QKI: variants seen among roughly 807,000 people sequenced by gnomAD.
The protein encoded by QKI is KH domain-containing RNA-binding protein QKI.
Under a neutral mutation model 39.0 loss-of-function variants are expected in QKI, and 10 were observed. That is an observed-to-expected ratio of 0.26 (90% confidence interval 0.16 to 0.43). The LOEUF (loss-of-function observed/expected upper bound fraction) is 0.43, where lower values mean the gene tolerates loss of function less well. QKI is among the 20% of genes least tolerant of loss of function. QKI has a pLI of 1.00. For synonymous variants in QKI, 204 were observed against 155.4 expected, an observed-to-expected ratio of 1.31 and a Z score of -2.33; for missense variants, 218 against 428.0, an observed-to-expected ratio of 0.51 and a Z score of 4.33.
At chr6:163,523,099 T>C (rs993433833) in intron 3 of QKI, among the ~76,000 whole-genome samples, 65 of 152,236 alleles carry the variant, frequency 4.3e-4, no homozygotes, top group African/African-American at 1.5e-3. Context: ...TAAGGCAGAC[T>C]GTATGTGGAT....
At chr6:163,540,932 C>T (rs1053748880) in intron 4 of QKI, among the ~76,000 whole-genome samples, 3 of 151,650 alleles carry the variant, frequency 2.0e-5, no homozygotes, top group Non-Finnish European at 4.4e-5. Flanking sequence ...TTTTATCAAC[C>T]GTTTTCTAAG....
In QKI at chr6:163,575,204, A is replaced by G. The variant is rs1454132305; in HGVS notation, c.*4494A>G. The G allele has an allele frequency of 1.3e-5, 2 of 152,184 alleles. No individual in the cohort carries two copies. The highest frequency in any genetic ancestry group is 4.8e-5 in the African/African-American group (2 of 41,438). 9.4% of individuals were successfully genotyped at this position (152,184 alleles called of 1,614,324 possible). On this transcript the variant is annotated 3_prime_UTR_variant, in exon 8 of 8. Transcript: ENST00000361752. ...CTGTCTGTCAAGCTGCTAATATACA[A>G]GTTGTCATGGTACCATGTAACTTAA...
chr6:163,431,464 T>A lies in QKI; in HGVS notation c.142+16129T>A, dbSNP rs148451020. 1.3e-4 allele frequency among the ~76,000 whole-genome samples: 20 copies of A among 152,282 alleles called. 1 individual carries two copies. Among genetic ancestry groups the A allele is most frequent in the African/African-American group, 4.3e-4 (18 of 41,568 alleles). On this transcript the variant is annotated intron_variant, in intron 1 of 7. Transcript: ENST00000361752. Reference sequence around the variant, plus strand: ...TAAAATAGGTATATACAGAGAAATATGCTCATGTTGTAACTCATGCCTGGT... The same window carrying A: ...TAAAATAGGTATATACAGAGAAATAAGCTCATGTTGTAACTCATGCCTGGT...
intron 1 of QKI, among the ~76,000 whole-genome samples, chr6:163,421,326 G>T (rs9458823): frequency 1.1e-4 from 16 of 152,130 alleles, no homozygotes; most frequent in African/African-American, 3.6e-4. Context: ...ATAGTTTCTT[G>T]TCAGTCCTTA....
intron 3 of QKI, among the ~76,000 whole-genome samples, chr6:163,503,725 G>A (rs1778924481): frequency 6.6e-6 from 1 of 151,738 alleles, no homozygotes; most frequent in African/African-American, 2.4e-5. Context: ...TCTTTAATCT[G>A]TTTTGAGGTT....
intron 1 of QKI, among the ~76,000 whole-genome samples, chr6:163,424,276 G>A (rs1045270514): frequency 6.6e-5 from 10 of 152,134 alleles, no homozygotes; most frequent in South Asian, 2.1e-4. Flanking sequence ...TGATTCCACC[G>A]TGGTTGCAGT....
intron 1 of QKI, among the ~76,000 whole-genome samples, chr6:163,434,075 T>C (rs1466256430): frequency 1.3e-5 from 2 of 150,040 alleles, no homozygotes; most frequent in African/African-American, 4.9e-5. Flanking sequence ...TTCAACAAAC[T>C]TTTTTTTTTA....
chr6:163,480,132 G>GT (rs1188526336), intron 3 of QKI, among the ~76,000 whole-genome samples: 1 of 152,168 alleles, frequency 6.6e-6, no homozygotes, highest in African/African-American at 2.4e-5. Context: ...CAGCAATACT[G>GT]TGAGGCAGGA....
At chr6:163,547,916 C>T (rs978317897) in intron 4 of QKI, among the ~76,000 whole-genome samples, 1 of 152,134 alleles carries the variant, frequency 6.6e-6, no homozygotes, top group Non-Finnish European at 1.5e-5. Flanking sequence ...CTTTCTATCA[C>T]CCCATGGTAA....
At chr6:163,430,549 C>A (rs11965425) in intron 1 of QKI, among the ~76,000 whole-genome samples, 4,239 of 152,062 alleles carry the variant, frequency 0.028, 196 homozygotes, top group African/African-American at 0.096. Flanking sequence ...ATGAATTGAT[C>A]AGGAGCATGG....
chr6:163,447,878 T>A (rs1378649579), intron 1 of QKI, among the ~76,000 whole-genome samples: 1 of 152,206 alleles, frequency 6.6e-6, no homozygotes. Context: ...AGGTGATTAT[T>A]GTAAGAAAAA....
chr6:163,416,915 CAA>C (rs4055816), intron 1 of QKI, among the ~76,000 whole-genome samples: 77,065 of 146,946 alleles, frequency 0.52, 19,961 homozygotes, highest in East Asian at 0.7. Context: ...TCTGGAATGT[CAA>C]AAAAAAAAAA....
Position 163,415,292 on chromosome 6 carries a change from C to T in QKI, c.99C>T (p.Asn33=), listed in dbSNP as rs754437531. The change falls in exon 1 of 8, where the codon AAC becomes AAT. Residue 33 remains asparagine, a synonymous_variant. Coordinates refer to ENST00000361752, the MANE Select transcript of QKI (RefSeq NM_006775.3). ...AGAAGCTCATGAGCAGCCTGCCCAA[C>T]TTCTGCGGGATCTTCAACCACCTCG... ...NDKKLMSSLP[N]FCGIFNHLER... 29 of 1,595,198 alleles carry T rather than the reference C, an allele frequency of 1.8e-5. No homozygotes were observed. Among genetic ancestry groups the T allele is most frequent in the South Asian group, 1.2e-4 (11 of 90,228 alleles).
intron 4 of QKI, among the ~76,000 whole-genome samples, chr6:163,556,843 G>C (rs1324304490): frequency 6.6e-6 from 1 of 152,154 alleles, no homozygotes; most frequent in Non-Finnish European, 1.5e-5. Flanking sequence ...CTATTAGCAG[G>C]AGTGTGTTCT....
rs1441767455 is a variant in QKI, at chr6:163,414,721, G to C, written c.-473G>C. The C allele has an allele frequency of 6.7e-6, 1 of 149,958 alleles. No homozygotes were observed. The highest frequency in any genetic ancestry group is 2.4e-5 in the African/African-American group (1 of 40,992). 9.3% of individuals were successfully genotyped at this position (149,958 alleles called of 1,614,324 possible). On this transcript the variant is annotated 5_prime_UTR_variant, in exon 1 of 8. Transcript: ENST00000361752. ...GAGGAGGAGGAAGAGGAGGAGCGCA[G>C]TCGGAGCGCGGCGGCAGCGGCAGAG... is the stretch of plus-strand genomic sequence containing the variant.
At chr6:163,431,083 C>G (rs759533391) in intron 1 of QKI, among the ~76,000 whole-genome samples, 1 of 152,044 alleles carries the variant, frequency 6.6e-6, no homozygotes, top group African/African-American at 2.4e-5. Flanking sequence ...TGTTAAAGAT[C>G]TGTGGATCCT....
rs1199433944 is a variant in QKI, at chr6:163,445,536, T to TG, written c.143-9742dup. ...GTTTGATGTGTTCTCATGATTATAATGAGGACCATTTTTGGCAAAACAATC... is the reference window on the plus strand; with the variant it reads ...GTTTGATGTGTTCTCATGATTATAATGGAGGACCATTTTTGGCAAAACAATC... On this transcript the variant is annotated intron_variant, in intron 1 of 7. Coordinates refer to ENST00000361752, the MANE Select transcript of QKI (RefSeq NM_006775.3). Among the ~76,000 whole-genome samples the TG allele has an allele frequency of 3.3e-5, 5 of 152,292 alleles. No individual in the cohort carries two copies. In the East Asian group the frequency reaches 9.6e-4, roughly 29 times the overall value.
At chr6:163,569,353 AC>A (rs1783567205) in intron 7 of QKI, 1 of 1,205,982 alleles carries the variant, frequency 8.3e-7, no homozygotes, top group African/African-American at 1.6e-5. Context: ...ACTGAACATT[AC>A]ACCTTCTGGG....
At chr6:163,419,878 C>A (rs1479213030) in intron 1 of QKI, among the ~76,000 whole-genome samples, 1 of 152,126 alleles carries the variant, frequency 6.6e-6, no homozygotes, top group Non-Finnish European at 1.5e-5. Context: ...CAAGTTAAAT[C>A]AAGTTAATTT....
Sources: allele counts gnomAD v4.1 joint callset (sites outside exome capture counted in the v4.1 genomes callset), GRCh38; gene constraint gnomAD v4.1.1; transcripts MANE v1.5; gene names NCBI Gene and HGNC (gene_info 2026-07-23, HGNC 2026-07-21).